EPS8L3: variants seen among roughly 807,000 people sequenced by gnomAD.
The protein encoded by EPS8L3 is EPS8 signaling adaptor L3.
In EPS8L3, 80 loss-of-function variants were observed where a neutral mutation model predicts 88.5. The ratio of observed to expected loss-of-function variants is 0.90; its 90% CI spans 0.75 to 1.09. The LOEUF is 1.09. Among genes scored for constraint, EPS8L3 ranks in the 50% least tolerant of loss-of-function variants. The probability of loss-of-function intolerance (pLI) is 0.00; values close to 1 mark genes in which losing one functional copy is unlikely to be tolerated. For synonymous variants in EPS8L3, 286 were observed against 291.0 expected, an observed-to-expected ratio of 0.98 and a Z score of 0.18; for missense variants, 721 against 735.2, an observed-to-expected ratio of 0.98 and a Z score of 0.22.
rs970484504 is a variant in EPS8L3 at position 109,761,566 on chromosome 1, G to A, written c.32-7C>T. 7 of 1,613,636 alleles carry A rather than the reference G, an allele frequency of 4.3e-6. No homozygotes were observed. Among genetic ancestry groups the A allele is most frequent in the Non-Finnish European group, 5.1e-6 (6 of 1,179,834 alleles). On this transcript the variant is annotated splice_polypyrimidine_tract_variant and splice_region_variant and intron_variant, in intron 2 of 18. Coordinates refer to ENST00000361965, the MANE Select transcript of EPS8L3 (RefSeq NM_133181.4). ...GAGTACTCCTTCCGGTGCACTACAA[G>A]GGCACAGAGCAAGGGGCGGGAGGTG...
chr1:109,758,373 G>A lies in EPS8L3; in HGVS notation c.660C>T (p.Ala220=), dbSNP rs752872599. ...PRHTSAREPS[A]FTLPPPRRSS... Reference sequence around the variant, plus strand: ...ACCGCCTTGGAGGAGGCAGAGTAAAGGCACTTGGTTCTCGGGCACTGGTGT... The same window carrying A: ...ACCGCCTTGGAGGAGGCAGAGTAAAAGCACTTGGTTCTCGGGCACTGGTGT... The change falls in exon 8 of 19, where the codon GCC becomes GCT. Residue 220 remains alanine, a synonymous_variant. Coordinates refer to ENST00000361965, the MANE Select transcript of EPS8L3 (RefSeq NM_133181.4). 6.2e-7 allele frequency: 1 copy of A among 1,613,340 alleles called. No individual in the cohort carries two copies. Among genetic ancestry groups the A allele is most frequent in the Admixed American group, 1.7e-5 (1 of 59,814 alleles).
At chr1:109,761,386 C>T (rs2101533895) in intron 3 of EPS8L3, 109 bp downstream of exon 3, 4 of 963,456 alleles carry the variant, frequency 4.2e-6, no homozygotes, top group Non-Finnish European at 6.3e-6. Flanking sequence ...AGGCTGTTGG[C>T]TTCTGGGGCA....
Position 109,750,705 on chromosome 1 carries a change from G to A in EPS8L3, c.1725C>T (p.Ala575=). The A allele has an allele frequency of 6.2e-7, 1 of 1,614,192 alleles. No homozygotes were observed. Among genetic ancestry groups the A allele is most frequent in the African/African-American group, 1.3e-5 (1 of 75,058 alleles). The change falls in exon 18 of 19, where the codon GCC becomes GCT. Residue 575 remains alanine (A), a synonymous_variant. Transcript: ENST00000361965. ...CCTCCAGCCGGGACAGGATTCGTGG[G>A]GCCTCCTGTGGACATAGCATCTGTA... is the stretch of plus-strand genomic sequence containing the variant. ...GELQMLCPQE[A]PRILSRLEAV... is the part of the protein sequence containing the mutation.
At chr1:109,761,013 G>C (rs1281748099) in intron 3 of EPS8L3, among the ~76,000 whole-genome samples, 1 of 152,126 alleles carries the variant, frequency 6.6e-6, no homozygotes, top group Non-Finnish European at 1.5e-5. Flanking sequence ...CACCCTGGAG[G>C]CTTGGGCCCA....
chr1:109,759,880 G>A lies in EPS8L3; in HGVS notation c.97-44C>T. On this transcript the variant is annotated intron_variant, in intron 3 of 18. Transcript: ENST00000361965. The surrounding 1 kb of genome is among the most constrained non-coding windows in gnomAD (Gnocchi z 4.2). ...TCCTAGGACTGGGAGAAAGCTCAGAGAGGTGGACCACAGGCGTGCTGGGTA... is the reference window on the plus strand; with the variant it reads ...TCCTAGGACTGGGAGAAAGCTCAGAAAGGTGGACCACAGGCGTGCTGGGTA... The A allele has an allele frequency of 6.2e-7, 1 of 1,602,742 alleles. No homozygotes were observed. The highest frequency in any genetic ancestry group is 8.5e-7 in the Non-Finnish European group (1 of 1,173,944).
Position 109,759,261 on chromosome 1 carries a change from G to A in EPS8L3, c.382C>T (p.Leu128Phe), listed in dbSNP as rs959523991. 1 of 1,614,096 alleles carries A rather than the reference G, an allele frequency of 6.2e-7. No individual in the cohort carries two copies. Among genetic ancestry groups the A allele is most frequent in the African/African-American group, 1.3e-5 (1 of 75,024 alleles). The change falls in exon 5 of 19, where the codon CTC becomes TTC. Residue 128 changes from leucine to phenylalanine, a missense_variant. Physicochemically the swap from Leu to Phe is conservative, Grantham distance 22 (BLOSUM62 0). Transcript: ENST00000361965. This position sits in a 1 kb window ranked among gnomAD's most constrained non-coding sequence, Gnocchi z 4.2. ...EPGLPGTSTLLFQCQEVGAER... is the reference protein window; with the variant it reads ...EPGLPGTSTLFFQCQEVGAER... ...ACCCCCACTTCCTGGCACTGGAAGA[G>A]CAGAGTGCTAGTGCCTGGCAGGCCC...
At position 109,750,630 on chromosome 1, in the gene EPS8L3, A is replaced by G. The variant is rs753187050; in HGVS notation, c.1770+30T>C. 9.6e-5 allele frequency: 155 copies of G among 1,613,726 alleles called. 2 individuals are homozygous for G. Among genetic ancestry groups the G allele is most frequent in the East Asian group, 3.1e-4 (14 of 44,872 alleles). On this transcript the variant is annotated intron_variant, in intron 18 of 18. Coordinates refer to ENST00000361965, the MANE Select transcript of EPS8L3 (RefSeq NM_133181.4). ...CACCCAGGAGCACCAGACACTCCCA[A>G]TGGTTGTCAGGACCCCAGGGTGTCC...
Position 109,759,064 on chromosome 1 carries a change from T to A in EPS8L3, c.459A>T (p.Gln153His). The A allele has an allele frequency of 6.2e-7, 1 of 1,602,606 alleles. No individual in the cohort carries two copies. Residue 153 changes from glutamine (Q) to histidine (H), a missense_variant and splice_region_variant, in exon 6 of 19, where the codon CAA becomes CAT. Physicochemically the swap from Gln to His is conservative, Grantham distance 24. Transcript: ENST00000361965. The surrounding 1 kb of genome is among the most constrained non-coding windows in gnomAD (Gnocchi z 4.2). ...TGGGCTGGGCAGAGGCTGCCTACCTTTGCTCCAGCTCTTCCTCCAGAGCCT... is the reference window on the plus strand; with the variant it reads ...TGGGCTGGGCAGAGGCTGCCTACCTATGCTCCAGCTCTTCCTCCAGAGCCT... ...LQKALEEELEQRPRLGGLQPG... is the reference protein window; with the variant it reads ...LQKALEEELEHRPRLGGLQPG...
chr1:109,758,962 G>T, intron 6 of EPS8L3, 100 bp downstream of exon 6: 1 of 1,298,518 alleles, frequency 7.7e-7, no homozygotes, highest in Non-Finnish European at 1.1e-6. Flanking sequence ...CAGGTTGGTT[G>T]GGCCACAACC....
Position 109,751,736 on chromosome 1 carries a change from C to A in EPS8L3, c.1481G>T (p.Gly494Val). 1 of 1,613,854 alleles carries A rather than the reference C, an allele frequency of 6.2e-7. No individual in the cohort carries two copies. Among genetic ancestry groups the A allele is most frequent in the Non-Finnish European group, 8.5e-7 (1 of 1,180,004 alleles). The change falls in exon 16 of 19, where the codon GGA (glycine) becomes GTA (valine). Residue 494 changes from glycine (G) to valine (V), a missense_variant. Transcript: ENST00000361965. ...KRWWLVKNEA[G>V]RSGYIPSNIL... ...GTTGCTTGGAATGTAGCCGCTCCGT[C>A]CCGCCTCATTCTTCACCAGCCACCA...
At position 109,757,271 on chromosome 1, in the gene EPS8L3, G is replaced by A. The variant is rs947818057; in HGVS notation, c.970-106C>T. On this transcript the variant is annotated intron_variant, in intron 11 of 18. Coordinates refer to ENST00000361965, the MANE Select transcript of EPS8L3 (RefSeq NM_133181.4). ...CTTCCCACTTTTGCAATGGTAGGAT[G>A]TTACCTCCTGCAAGGGGCCCCATCT... The A allele has an allele frequency of 4.4e-6, 6 of 1,351,992 alleles. No homozygotes were observed. In the African/African-American group the frequency reaches 7.4e-5, roughly 17 times the overall value. 83.7% of individuals were successfully genotyped at this position (1,351,992 alleles called of 1,614,324 possible). A position where few individuals can be genotyped will look rare whatever the true frequency, so the allele number is the denominator to read the frequency against.
chr1:109,757,245 G>A, intron 11 of EPS8L3, 80 bp from the exon 12 acceptor site: 1 of 1,456,566 alleles, frequency 6.9e-7, no homozygotes, highest in Admixed American at 2.5e-5. Flanking sequence ...AGAGTCCCTG[G>A]CTTCCCACTT....
Position 109,759,048 on chromosome 1 carries a change from C to T in EPS8L3, c.461+14G>A, listed in dbSNP as rs774267228. ...TGGGAGGCCCCATAGGTGGGCTGGG[C>T]AGAGGCTGCCTACCTTTGCTCCAGC... is the stretch of plus-strand genomic sequence containing the variant. On this transcript the variant is annotated intron_variant, in intron 6 of 18. Transcript: ENST00000361965. The surrounding 1 kb of genome is among the most constrained non-coding windows in gnomAD (Gnocchi z 4.2). 3 of 1,590,458 alleles carry T rather than the reference C, an allele frequency of 1.9e-6. No homozygotes were observed. The highest frequency in any genetic ancestry group is 2.3e-5 in the East Asian group (1 of 44,102).
At chr1:109,761,093 C>T (rs984009966) in intron 3 of EPS8L3, 4 of 176,130 alleles carry the variant, frequency 2.3e-5, no homozygotes, top group South Asian at 1.5e-4. Flanking sequence ...AGATCCCACA[C>T]ACTCCTGCCT....
chr1:109,750,103 G>T lies in EPS8L3; in HGVS notation c.*288C>A. 1 of 479,976 alleles carries T rather than the reference G, an allele frequency of 2.1e-6. No individual in the cohort carries two copies. Among genetic ancestry groups the T allele is most frequent in the Admixed American group, 3.6e-5 (1 of 27,730 alleles). The allele number at this position is 479,976 out of a possible 1,614,324, so 29.7% of individuals were successfully genotyped here. ...TGACAAGCTTGAAGATGCTTTTATT[G>T]AGAAGGAGAGGGACTGAACAGATTC... On this transcript the variant is annotated 3_prime_UTR_variant, in exon 19 of 19. Coordinates refer to ENST00000361965, the MANE Select transcript of EPS8L3 (RefSeq NM_133181.4).
chr1:109,763,277 C>A (rs1233593139), intron 1 of EPS8L3, among the ~76,000 whole-genome samples: 1 of 152,066 alleles, frequency 6.6e-6, no homozygotes, highest in Non-Finnish European at 1.5e-5. Context: ...GTTCCCCTTC[C>A]CCAGCCTCCC....
At chr1:109,750,599 C>T in intron 18 of EPS8L3, 61 bp downstream of exon 18, 1 of 1,609,838 alleles carries the variant, frequency 6.2e-7, no homozygotes, top group Non-Finnish European at 8.5e-7. Context: ...AACTGGCCCT[C>T]TCTCTCACCC....
Position 109,750,323 on chromosome 1 carries a change from C to T in EPS8L3, c.*68G>A, listed in dbSNP as rs191322577. On this transcript the variant is annotated 3_prime_UTR_variant, in exon 19 of 19. Transcript: ENST00000361965. ...ATCCAGAAGAGGAATTCTCGGGGCT[C>T]TAATGGGTATCAGATCTGCCATCTT... 4.6e-5 allele frequency: 73 copies of T among 1,596,542 alleles called. No homozygotes were observed. The highest frequency in any genetic ancestry group is 2.4e-4 in the Admixed American group (14 of 59,170).
chr1:109,758,172 G>T (rs1335943055), intron 8 of EPS8L3, 114 bp from the exon 9 acceptor site: 7 of 1,291,588 alleles, frequency 5.4e-6, no homozygotes, highest in African/African-American at 1.5e-5. Flanking sequence ...GCCCAGCCTG[G>T]AGTATAAACA....
Sources: gnomAD v4.1 joint callset for allele counts (sites outside exome capture counted in the v4.1 genomes callset) on GRCh38, gnomAD v4.1.1 for gene constraint, Gnocchi (gnomAD v3.1) non-coding constraint, MANE v1.5 for transcripts, NCBI Gene and HGNC (gene_info 2026-07-23, HGNC 2026-07-21) for gene names.